SLIT2: variants seen among roughly 807,000 people sequenced by gnomAD.
SLIT2 encodes the protein slit guidance ligand 2, also known as slit homolog 2 protein.
A neutral mutation model predicts 185.7 loss-of-function variants in SLIT2; 41 were observed. That is an observed-to-expected ratio of 0.22 (90% CI 0.17 to 0.29). The LOEUF (loss-of-function observed/expected upper bound fraction) is 0.29, where lower values mean the gene tolerates loss of function less well. Ranked by LOEUF, SLIT2 falls within the 10% of genes least tolerant of loss-of-function variation. The pLI is 1.00. For missense variants in SLIT2, 1,571 were observed against 1,909.0 expected (o/e 0.82, Z 3.30); for synonymous variants, 693 against 680.2 (o/e 1.02, Z -0.29).
chr4:20,513,241 G>T (rs1305103604), intron 11 of SLIT2, among the ~76,000 whole-genome samples: 1 of 152,182 alleles, frequency 6.6e-6, no homozygotes, highest in African/African-American at 2.4e-5. Context: ...GGTTTTTCCA[G>T]TTCAAAATGT....
At chr4:20,396,270 CT>C (rs1236222526) in intron 4 of SLIT2, among the ~76,000 whole-genome samples, 1 of 151,750 alleles carries the variant, frequency 6.6e-6, no homozygotes, top group Admixed American at 6.6e-5. Flanking sequence ...GTCATCAGCA[CT>C]TTTTTTCAGT....
At chr4:20,309,498 C>G (rs1178528587) in intron 4 of SLIT2, among the ~76,000 whole-genome samples, 1 of 151,004 alleles carries the variant, frequency 6.6e-6, no homozygotes, top group Non-Finnish European at 1.5e-5. Context: ...TTTCCTCTGT[C>G]TTCAAATATG....
chr4:20,403,135 A>AAATC (rs1340106064), intron 4 of SLIT2, among the ~76,000 whole-genome samples: 1 of 151,942 alleles, frequency 6.6e-6, no homozygotes, highest in Non-Finnish European at 1.5e-5. Flanking sequence ...AAATGGAAAG[A>AAATC]AATCATATTA....
Position 20,467,834 on chromosome 4 carries a change from AT to A in SLIT2, c.467+16del. ...TGACATAAAAAATTTGTAAGTATCT[AT>A]TTTTAAATTTATAGTGTTTTAAGTC... On this transcript the variant is annotated intron_variant, in intron 5 of 36. Coordinates refer to ENST00000504154, the MANE Select transcript of SLIT2 (RefSeq NM_004787.4). 1 of 1,409,824 alleles carries A rather than the reference AT, an allele frequency of 7.1e-7. No individual in the cohort carries two copies. The highest frequency in any genetic ancestry group is 9.9e-7 in the Non-Finnish European group (1 of 1,011,976). 87.3% of individuals were successfully genotyped at this position (1,409,824 alleles called of 1,614,324 possible).
At chr4:20,413,686 A>G (rs1253086411) in intron 4 of SLIT2, among the ~76,000 whole-genome samples, 2 of 152,014 alleles carry the variant, frequency 1.3e-5, no homozygotes, top group East Asian at 3.9e-4. Flanking sequence ...CTAATTATGA[A>G]ATATACTTCT....
chr4:20,260,463 TAAAATA>T (rs1712335057), intron 3 of SLIT2, among the ~76,000 whole-genome samples: 1 of 151,826 alleles, frequency 6.6e-6, no homozygotes, highest in Non-Finnish European at 1.5e-5. Context: ...AAGAACAAAA[TAAAATA>T]AAAACATTAA....
chr4:20,490,687 C>T, intron 8 of SLIT2: 2 of 725,714 alleles, frequency 2.8e-6, no homozygotes, highest in Non-Finnish European at 4.5e-6. Flanking sequence ...TGTATAATAT[C>T]ATGGAATGTT....
intron 4 of SLIT2, among the ~76,000 whole-genome samples, chr4:20,382,498 A>C (rs1227134364): frequency 1.3e-5 from 2 of 152,184 alleles, no homozygotes. Context: ...AGATTAATGT[A>C]TAAAAAATAT....
At position 20,524,176 on chromosome 4, in the gene SLIT2, A is replaced by G; in HGVS notation, c.1437A>G (p.Ser479=). The G allele has an allele frequency of 6.2e-7, 1 of 1,613,866 alleles. No homozygotes were observed. Among genetic ancestry groups the G allele is most frequent in the Non-Finnish European group, 8.5e-7 (1 of 1,179,842 alleles). Reference sequence around the variant, plus strand: ...TCAAAAGCAAGAAATTCCGTTGTTCAGGTAATTTCTTCACGTGTTATTTCC... The same window carrying G: ...TCAAAAGCAAGAAATTCCGTTGTTCGGGTAATTTCTTCACGTGTTATTTCC... The part of the protein sequence containing the change: ...GQIKSKKFRC[S]AKEQYFIPGT... The change falls in exon 14 of 37, where the codon TCA becomes TCG. Residue 479 remains serine, a splice_region_variant and synonymous_variant. Transcript: ENST00000504154.
intron 33 of SLIT2, among the ~76,000 whole-genome samples, chr4:20,605,569 A>G (rs1728730802): frequency 6.6e-6 from 1 of 152,174 alleles, no homozygotes; most frequent in African/African-American, 2.4e-5. Context: ...AATACTTATC[A>G]GAACCCAAAA....
chr4:20,259,226 A>G (rs1278956570), intron 3 of SLIT2, among the ~76,000 whole-genome samples: 1 of 151,726 alleles, frequency 6.6e-6, no homozygotes, highest in Non-Finnish European at 1.5e-5. Flanking sequence ...CTATCTCTAA[A>G]TATATAAAAA....
chr4:20,445,146 A>G (rs1241420596), intron 4 of SLIT2, among the ~76,000 whole-genome samples: 1 of 152,186 alleles, frequency 6.6e-6, no homozygotes, highest in Non-Finnish European at 1.5e-5. Context: ...CCATTAATTC[A>G]GAGAGGTCTG....
At chr4:20,322,171 TCAGA>T (rs1719149915) in intron 4 of SLIT2, among the ~76,000 whole-genome samples, 1 of 152,164 alleles carries the variant, frequency 6.6e-6, no homozygotes, top group Non-Finnish European at 1.5e-5. Flanking sequence ...CCTCCAAATC[TCAGA>T]CAGGTTTCAG....
intron 4 of SLIT2, among the ~76,000 whole-genome samples, chr4:20,319,751 G>A (rs1278237504): frequency 5.3e-5 from 8 of 150,896 alleles, no homozygotes. Flanking sequence ...GGACTCTTCT[G>A]ATTTTAGAGT....
rs557517807 is a variant in SLIT2 at position 20,501,286 on chromosome 4, A to T, written c.915-9209A>T. ...TCCACAGAAGAAGCTTCTCATGTTAATTTTTTTTGGGGGGAGGAGGTTGAG... is the reference window on the plus strand; with the variant it reads ...TCCACAGAAGAAGCTTCTCATGTTATTTTTTTTTGGGGGGAGGAGGTTGAG... On this transcript the variant is annotated intron_variant, in intron 9 of 36. Coordinates refer to ENST00000504154, the MANE Select transcript of SLIT2 (RefSeq NM_004787.4). Among the ~76,000 whole-genome samples the T allele has an allele frequency of 9.9e-5, 15 of 151,848 alleles. No homozygotes were observed. The South Asian group carries it at 2.9e-3, about 30-fold the overall frequency.
chr4:20,387,126 G>A (rs1175139658), intron 4 of SLIT2, among the ~76,000 whole-genome samples: 1 of 152,162 alleles, frequency 6.6e-6, no homozygotes, highest in Non-Finnish European at 1.5e-5. Context: ...GAACAGCAGT[G>A]ATGGGTTTTT....
chr4:20,417,650 T>C (rs1414585036), intron 4 of SLIT2, among the ~76,000 whole-genome samples: 1 of 151,540 alleles, frequency 6.6e-6, no homozygotes, highest in Non-Finnish European at 1.5e-5. Context: ...GCCTCCCGAG[T>C]AGCTGGGACT....
At chr4:20,543,577 GCA>G (rs1357621767) in intron 21 of SLIT2, among the ~76,000 whole-genome samples, 2 of 152,214 alleles carry the variant, frequency 1.3e-5, no homozygotes, top group Non-Finnish European at 2.9e-5. Flanking sequence ...TTGTGCAGAT[GCA>G]CACACATATT....
chr4:20,300,493 A>T (rs1051469435), intron 4 of SLIT2, among the ~76,000 whole-genome samples: 1 of 152,116 alleles, frequency 6.6e-6, no homozygotes, highest in Non-Finnish European at 1.5e-5. Context: ...CTGTGCATTT[A>T]TCACTTTGTA....
Sources: gnomAD v4.1 joint callset for allele counts (sites outside exome capture counted in the v4.1 genomes callset) on GRCh38, gnomAD v4.1.1 for gene constraint, MANE v1.5 for transcripts, NCBI Gene and HGNC (gene_info 2026-07-23, HGNC 2026-07-21) for gene names.